The following VCAM1 variants were observed in gnomAD, a reference collection of about 807,000 sequenced individuals.
The protein encoded by VCAM1 is vascular cell adhesion molecule 1.
In VCAM1, 41 loss-of-function variants were observed where a neutral mutation model predicts 63.8. The observed-to-expected ratio is 0.64, with a 90% CI of 0.50 to 0.83. The LOEUF is 0.83. VCAM1 is among the 40% of genes least tolerant of loss of function. VCAM1 has a pLI of 0.00. For synonymous variants in VCAM1, 338 were observed against 320.7 expected, an observed-to-expected ratio of 1.05 and a Z score of -0.58; for missense variants, 798 against 875.5, an observed-to-expected ratio of 0.91 and a Z score of 1.12.
At position 100,720,693 on chromosome 1, in the gene VCAM1, G is replaced by A. The variant is rs775312480; in HGVS notation, c.282G>A (p.Leu94=). The A allele has an allele frequency of 1.1e-5, 17 of 1,612,926 alleles. No homozygotes were observed. Among genetic ancestry groups the A allele is most frequent in the Non-Finnish European group, 1.4e-5 (17 of 1,179,380 alleles). Residue 94 remains leucine (L), a synonymous_variant, in exon 2 of 9, where the codon CTG becomes CTA. Transcript: ENST00000294728. ...GTTTTGGGAACGAACACTCTTACCT[G>A]TGCACAGCAACTTGTGAATCTAGGA... is the stretch of plus-strand genomic sequence containing the variant. ...PVSFGNEHSY[L]CTATCESRKL...
At chr1:100,729,527 A>G (rs1296346063) in intron 5 of VCAM1, 145 bp downstream of exon 5, 1 of 1,030,100 alleles carries the variant, frequency 9.7e-7, no homozygotes, top group East Asian at 2.6e-5. Flanking sequence ...TCTGAATCAG[A>G]ATGGTTTGAT....
chr1:100,725,968 A>G (rs1660145665), intron 4 of VCAM1, among the ~76,000 whole-genome samples: 1 of 152,002 alleles, frequency 6.6e-6, no homozygotes, highest in Non-Finnish European at 1.5e-5. Flanking sequence ...CATTAACTAT[A>G]GTCATCATGA....
At chr1:100,735,945 G>T (rs1392985477) in intron 8 of VCAM1, 1 of 152,186 alleles carries the variant, frequency 6.6e-6, no homozygotes, top group African/African-American at 2.4e-5. Context: ...TTCCAATGAG[G>T]TTGGGGATGA....
intron 4 of VCAM1, among the ~76,000 whole-genome samples, chr1:100,726,362 T>C (rs998960124): frequency 6.6e-6 from 1 of 152,080 alleles, no homozygotes; most frequent in African/African-American, 2.4e-5. Context: ...TTTATTACCT[T>C]AAACAAAAAG....
At chr1:100,736,214 GCTA>G (rs1461401541) in intron 8 of VCAM1, 2 of 152,052 alleles carry the variant, frequency 1.3e-5, no homozygotes, top group Non-Finnish European at 2.9e-5. Flanking sequence ...TTACACAGTT[GCTA>G]CTTTTTACTC....
intron 5 of VCAM1, 104 bp downstream of exon 5, chr1:100,729,486 G>T: frequency 7.3e-7 from 1 of 1,377,368 alleles, no homozygotes; most frequent in Non-Finnish European, 9.7e-7. Flanking sequence ...GTTTAGAAAA[G>T]GAATTTAGCC....
In VCAM1 at chr1:100,723,100, G is replaced by A; in HGVS notation, c.421G>A (p.Asp141Asn). 1.9e-6 allele frequency: 3 copies of A among 1,613,040 alleles called. No individual in the cohort carries two copies. The highest frequency in any genetic ancestry group is 1.7e-6 in the Non-Finnish European group (2 of 1,179,420). Reference sequence around the variant, plus strand: ...GATCACAGTCAAGTGTTCAGTTGCTGATGTATACCCATTTGACAGGCTGGA... The same window carrying A: ...GATCACAGTCAAGTGTTCAGTTGCTAATGTATACCCATTTGACAGGCTGGA... ...KPITVKCSVA[D>N]VYPFDRLEID... The change falls in exon 3 of 9, where the codon GAT becomes AAT. Residue 141 changes from aspartate (D) to asparagine (N), a missense_variant. Coordinates refer to ENST00000294728, the MANE Select transcript of VCAM1 (RefSeq NM_001078.4).
At position 100,723,354 on chromosome 1, in the gene VCAM1, C is replaced by G. The variant is rs369922598; in HGVS notation, c.661+14C>G. The G allele has an allele frequency of 6.2e-7, 1 of 1,606,572 alleles. No individual in the cohort carries two copies. Among genetic ancestry groups the G allele is most frequent in the Non-Finnish European group, 8.5e-7 (1 of 1,175,438 alleles). ...TGCAAGTCTACAGTAAGTACTTGTG[C>G]GATGTGTTCCAGTCTTTGTGGGAAT... is the stretch of plus-strand genomic sequence containing the variant. On this transcript the variant is annotated intron_variant, in intron 3 of 8. Coordinates refer to ENST00000294728, the MANE Select transcript of VCAM1 (RefSeq NM_001078.4).
At chr1:100,727,043 C>G (rs1368351091) in intron 4 of VCAM1, among the ~76,000 whole-genome samples, 1 of 147,702 alleles carries the variant, frequency 6.8e-6, no homozygotes, top group Non-Finnish European at 1.5e-5. Context: ...ATCAGGAATT[C>G]TGTGTGTGTG....
intron 5 of VCAM1, among the ~76,000 whole-genome samples, chr1:100,730,590 G>C (rs985005654): frequency 1.3e-5 from 2 of 152,208 alleles, no homozygotes; most frequent in South Asian, 4.1e-4. Context: ...GAACTTCCTT[G>C]TTTGTCTTAT....
intron 2 of VCAM1, 22 bp downstream of exon 2, chr1:100,720,773 T>C (rs369360563): frequency 5.8e-5 from 91 of 1,561,842 alleles, no homozygotes; most frequent in Non-Finnish European, 7.5e-5. Flanking sequence ...AGAAAATCTT[T>C]GTTTTTCTCT....
intron 7 of VCAM1, 43 bp from the exon 8 acceptor site, chr1:100,734,459 A>T (rs761469517): frequency 6.3e-7 from 1 of 1,579,500 alleles, no homozygotes; most frequent in South Asian, 1.2e-5. Flanking sequence ...GAGTTGGTTT[A>T]TATTTCACTC....
At chr1:100,728,964 C>T in intron 4 of VCAM1, 143 bp from the exon 5 acceptor site, 7 of 980,460 alleles carry the variant, frequency 7.1e-6, no homozygotes, top group Non-Finnish European at 8.3e-6. Flanking sequence ...TCTGATGGTC[C>T]CAAGGTGGAA....
rs1333951434 is a variant in VCAM1, at chr1:100,732,286, T to C, written c.1526-132T>C. The C allele has an allele frequency of 7.5e-6, 7 of 933,234 alleles. No homozygotes were observed. In the South Asian group the frequency reaches 1.6e-4, roughly 21 times the overall value. 57.8% of individuals were successfully genotyped at this position (933,234 alleles called of 1,614,324 possible). A position where few individuals can be genotyped will look rare whatever the true frequency, so the allele number is the denominator to read the frequency against. ...TAAAGTAAATGAGGACCAAAACCTCTTGTGGTGAATTATCAAGGTTTACAA... is the reference window on the plus strand; with the variant it reads ...TAAAGTAAATGAGGACCAAAACCTCCTGTGGTGAATTATCAAGGTTTACAA... On this transcript the variant is annotated intron_variant, in intron 6 of 8. Transcript: ENST00000294728.
chr1:100,730,293 C>T (rs1408032610), intron 5 of VCAM1, among the ~76,000 whole-genome samples: 1 of 152,050 alleles, frequency 6.6e-6, no homozygotes, highest in East Asian at 1.9e-4. Flanking sequence ...TACCCAGAGT[C>T]CATGATCTGC....
intron 2 of VCAM1, among the ~76,000 whole-genome samples, chr1:100,722,108 T>C (rs1251581855): frequency 3.9e-5 from 6 of 152,080 alleles, no homozygotes; most frequent in Non-Finnish European, 5.9e-5. Context: ...GTGGTTAGAG[T>C]TGAGACCTTT....
Position 100,723,012 on chromosome 1 carries a change from CT to C in VCAM1, c.341-4del, listed in dbSNP as rs1051058644. On this transcript the variant is annotated splice_polypyrimidine_tract_variant and splice_region_variant and intron_variant, in intron 2 of 8. Coordinates refer to ENST00000294728, the MANE Select transcript of VCAM1 (RefSeq NM_001078.4). ...AAGCCCATCCATGTATTTGTTTGGC[CT>C]TTTCAGCTTTTCCTAAGGATCCAGA... is the stretch of plus-strand genomic sequence containing the variant. 9 of 1,602,840 alleles carry C rather than the reference CT, an allele frequency of 5.6e-6. No individual in the cohort carries two copies. Among genetic ancestry groups the C allele is most frequent in the Non-Finnish European group, 7.7e-6 (9 of 1,175,592 alleles).
rs779073619 is a variant in VCAM1 at position 100,723,166 on chromosome 1, G to A, written c.487G>A (p.Glu163Lys). 3 of 1,613,028 alleles carry A rather than the reference G, an allele frequency of 1.9e-6. No individual in the cohort carries two copies. Among genetic ancestry groups the A allele is most frequent in the African/African-American group, 2.7e-5 (2 of 74,850 alleles). ...LKGDHLMKSQ[E>K]FLEDADRKSL... ...AGGAGATCATCTCATGAAGAGTCAGGAATTTCTGGAGGATGCAGACAGGAA... is the reference window on the plus strand; with the variant it reads ...AGGAGATCATCTCATGAAGAGTCAGAAATTTCTGGAGGATGCAGACAGGAA... The change falls in exon 3 of 9, where the codon GAA becomes AAA. Residue 163 changes from glutamate to lysine, a missense_variant. Transcript: ENST00000294728.
Position 100,729,093 on chromosome 1 carries a change from CA to C in VCAM1, c.929-13del, listed in dbSNP as rs768059787. The stretch of plus-strand genomic sequence containing the variant: ...CTTATGTTCTTTTCATCTTGTTTTC[CA>C]CCTGTGTCCCAGAGAAACCATTTAC... On this transcript the variant is annotated splice_polypyrimidine_tract_variant and intron_variant, in intron 4 of 8. Coordinates refer to ENST00000294728, the MANE Select transcript of VCAM1 (RefSeq NM_001078.4). The C allele has an allele frequency of 6.7e-7, 1 of 1,493,606 alleles. No homozygotes were observed. The highest frequency in any genetic ancestry group is 8.9e-7 in the Non-Finnish European group (1 of 1,119,850). 92.5% of individuals were successfully genotyped at this position (1,493,606 alleles called of 1,614,324 possible).
Sources: allele counts gnomAD v4.1 joint callset (sites outside exome capture counted in the v4.1 genomes callset), GRCh38; gene constraint gnomAD v4.1.1; transcripts MANE v1.5; gene names NCBI Gene and HGNC (gene_info 2026-07-23, HGNC 2026-07-21).